Variants in PRLR observed in about 807,000 individuals in gnomAD.
PRLR encodes prolactin receptor, also known as hPRL receptor.
In PRLR, 13 loss-of-function variants were observed where a neutral mutation model predicts 40.2. The ratio of observed to expected loss-of-function variants is 0.32; its 90% CI spans 0.21 to 0.51. PRLR has a LOEUF of 0.51. Among genes scored for constraint, PRLR ranks in the 20% least tolerant of loss-of-function variants. The pLI is 0.97. For missense variants in PRLR, 656 were observed against 747.3 expected, an observed-to-expected ratio of 0.88 and a Z score of 1.42; for synonymous variants, 269 against 278.7, an observed-to-expected ratio of 0.97 and a Z score of 0.35.
chr5:35,183,309 G>A (rs1221246760), intron 1 of PRLR, among the ~76,000 whole-genome samples: 2 of 152,202 alleles, frequency 1.3e-5, no homozygotes, highest in African/African-American at 4.8e-5. Flanking sequence ...GTTCCTCTGA[G>A]AATTTCTCTT....
chr5:35,086,668 G>C (rs548687693), intron 3 of PRLR, among the ~76,000 whole-genome samples: 18 of 152,162 alleles, frequency 1.2e-4, no homozygotes, highest in African/African-American at 4.3e-4. Flanking sequence ...TTGAATGCAA[G>C]ATAGACACAT....
intron 1 of PRLR, among the ~76,000 whole-genome samples, chr5:35,133,572 T>C (rs1294604320): frequency 6.6e-6 from 1 of 152,226 alleles, no homozygotes; most frequent in East Asian, 1.9e-4. Flanking sequence ...AACTGCACTT[T>C]AAGCTCACTT....
At chr5:35,198,943 C>G (rs1775806556) in intron 1 of PRLR, among the ~76,000 whole-genome samples, 1 of 152,184 alleles carries the variant, frequency 6.6e-6, no homozygotes, top group Admixed American at 6.5e-5. Flanking sequence ...GAAGCCTTTG[C>G]TCTTAAAGGA....
intron 2 of PRLR, among the ~76,000 whole-genome samples, chr5:35,090,588 G>T (rs1359078591): frequency 6.6e-6 from 1 of 151,696 alleles, no homozygotes; most frequent in African/African-American, 2.4e-5. Context: ...TCATTTTGTT[G>T]TTGTTGTTGT....
At chr5:35,186,891 C>A (rs1267804436) in intron 1 of PRLR, among the ~76,000 whole-genome samples, 1 of 152,184 alleles carries the variant, frequency 6.6e-6, no homozygotes, top group Non-Finnish European at 1.5e-5. Context: ...CCTCAAGAAG[C>A]AGATCCTGGC....
intron 1 of PRLR, among the ~76,000 whole-genome samples, chr5:35,139,293 C>G (rs1472252749): frequency 6.6e-6 from 1 of 152,042 alleles, no homozygotes; most frequent in African/African-American, 2.4e-5. Flanking sequence ...CGCCACCACA[C>G]CCAGCTAATT....
chr5:35,151,893 A>G (rs1774352634), intron 1 of PRLR, among the ~76,000 whole-genome samples: 1 of 152,178 alleles, frequency 6.6e-6, no homozygotes. Flanking sequence ...TGTGAGCACA[A>G]TCAAATGATA....
chr5:35,055,859 T>C lies in PRLR; in HGVS notation c.*9230A>G, dbSNP rs754364354. On this transcript the variant is annotated 3_prime_UTR_variant, in exon 10 of 10. Coordinates refer to ENST00000618457, the MANE Select transcript of PRLR (RefSeq NM_000949.7). ...TATAAAGTAAAACTACTGGCAAACG[T>C]CATTTAAGCTTACCCTGTAATTTTT... is the stretch of plus-strand genomic sequence containing the variant. The C allele has an allele frequency of 6.6e-6, 1 of 152,194 alleles. No individual in the cohort carries two copies. The highest frequency in any genetic ancestry group is 6.5e-5 in the Admixed American group (1 of 15,276). 9.4% of individuals were successfully genotyped at this position (152,194 alleles called of 1,614,324 possible). A position where few individuals can be genotyped will look rare whatever the true frequency, so the allele number is the denominator to read the frequency against.
At chr5:35,125,941 C>T (rs1773446449) in intron 1 of PRLR, among the ~76,000 whole-genome samples, 1 of 152,156 alleles carries the variant, frequency 6.6e-6, no homozygotes, top group African/African-American at 2.4e-5. Context: ...CACTCTTGGG[C>T]AACACAGCAA....
intron 1 of PRLR, among the ~76,000 whole-genome samples, chr5:35,127,883 T>C (rs947980747): frequency 6.6e-5 from 10 of 152,122 alleles, no homozygotes; most frequent in African/African-American, 2.4e-4. Context: ...GTGATTGCTG[T>C]CATGTACTTC....
In PRLR at chr5:35,061,888, G is replaced by A. The variant is rs539224391; in HGVS notation, c.*3201C>T. 3.9e-5 allele frequency: 6 copies of A among 152,038 alleles called. No homozygotes were observed. The South Asian group carries it at 1.2e-3, about 32-fold the overall frequency. 9.4% of individuals were successfully genotyped at this position (152,038 alleles called of 1,614,324 possible). A position where few individuals can be genotyped will look rare whatever the true frequency, so the allele number is the denominator to read the frequency against. On this transcript the variant is annotated 3_prime_UTR_variant, in exon 10 of 10. Transcript: ENST00000618457. ...AGCCAAATATAAGAAAAGAGATTTG[G>A]GGCTGTTGGATTCAGCAAGGAATGA...
chr5:35,122,602 TG>T (rs1292151290), intron 1 of PRLR, among the ~76,000 whole-genome samples: 2 of 152,152 alleles, frequency 1.3e-5, no homozygotes, highest in Non-Finnish European at 2.9e-5. Flanking sequence ...GTTAGGCCAA[TG>T]TTAGTCTTTA....
intron 4 of PRLR, 42 bp from the exon 5 acceptor site, chr5:35,084,681 AAG>A: frequency 1.3e-6 from 2 of 1,567,976 alleles, no homozygotes; most frequent in Non-Finnish European, 1.7e-6. Context: ...GAAAGTAATA[AAG>A]AGAGTCTAGT....
chr5:35,097,590 G>T (rs1771609777), intron 2 of PRLR, among the ~76,000 whole-genome samples: 2 of 152,070 alleles, frequency 1.3e-5, no homozygotes, highest in Non-Finnish European at 2.9e-5. Flanking sequence ...CAAAATCCAT[G>T]CTGGCTGTGA....
chr5:35,215,770 G>A lies in PRLR; in HGVS notation c.-106+14498C>T, dbSNP rs117994265. Among the ~76,000 whole-genome samples, 350 of 151,406 alleles carry A rather than the reference G, an allele frequency of 2.3e-3. 3 individuals carry two copies. Among genetic ancestry groups the A allele is most frequent in the East Asian group, 0.018 (91 of 5,124 alleles). On this transcript the variant is annotated intron_variant, in intron 1 of 9. Transcript: ENST00000618457. ...AGAAGTAAGGGCCGGGCACGGTGGC[G>A]CATGCCTGTAATTGCAGCACTTTGG...
intron 1 of PRLR, among the ~76,000 whole-genome samples, chr5:35,126,633 G>T (rs1773478925): frequency 6.6e-6 from 1 of 152,118 alleles, no homozygotes; most frequent in Non-Finnish European, 1.5e-5. Flanking sequence ...CCACTATCTA[G>T]TCTTGTGACC....
At chr5:35,157,328 C>G (rs555420534) in intron 1 of PRLR, among the ~76,000 whole-genome samples, 1 of 152,208 alleles carries the variant, frequency 6.6e-6, no homozygotes, top group Admixed American at 6.5e-5. Flanking sequence ...CTCTTGACTT[C>G]CTATGGAAGG....
intron 2 of PRLR, among the ~76,000 whole-genome samples, chr5:35,106,958 T>C (rs1003875241): frequency 6.6e-6 from 1 of 152,178 alleles, no homozygotes; most frequent in Non-Finnish European, 1.5e-5. Flanking sequence ...TATTCCAAAA[T>C]TGACCACATA....
At chr5:35,135,177 A>C (rs1365418494) in intron 1 of PRLR, 1 of 152,042 alleles carries the variant, frequency 6.6e-6, no homozygotes, top group Non-Finnish European at 1.5e-5. Context: ...TCAGTCCGAA[A>C]AAGAAAATAA....
Sources: gnomAD v4.1 joint callset for allele counts (sites outside exome capture counted in the v4.1 genomes callset) on GRCh38, gnomAD v4.1.1 for gene constraint, MANE v1.5 for transcripts, NCBI Gene and HGNC (gene_info 2026-07-23, HGNC 2026-07-21) for gene names.